CYP3A43: variants seen among roughly 807,000 people sequenced by gnomAD.
The protein encoded by CYP3A43 is cytochrome P450 family 3 subfamily A member 43, also known as cytochrome P450 3A43.
A neutral mutation model predicts 58.0 loss-of-function variants in CYP3A43; 45 were observed. The ratio of observed to expected loss-of-function variants is 0.78; its 90% CI spans 0.61 to 0.99. The LOEUF is 0.99. CYP3A43 is among the 50% of genes least tolerant of loss of function. CYP3A43 has a pLI of 0.00. For synonymous variants in CYP3A43, 191 were observed against 201.4 expected, an observed-to-expected ratio of 0.95 and a Z score of 0.44; for missense variants, 593 against 591.9, an observed-to-expected ratio of 1.00 and a Z score of -0.02.
At chr7:99,842,626 AAATT>A (rs1334002113) in intron 3 of CYP3A43, among the ~76,000 whole-genome samples, 1 of 152,224 alleles carries the variant, frequency 6.6e-6, no homozygotes, top group African/African-American at 2.4e-5. Flanking sequence ...TATCTTGACT[AAATT>A]AAGAGCAAAA....
intron 7 of CYP3A43, chr7:99,850,073 C>G: frequency 2.3e-6 from 1 of 435,098 alleles, no homozygotes; most frequent in Non-Finnish European, 4.5e-6. Flanking sequence ...TCTCCTGCCT[C>G]AGCCTCCTGA....
At chr7:99,835,262 G>C (rs1817024562) in intron 1 of CYP3A43, among the ~76,000 whole-genome samples, 1 of 152,202 alleles carries the variant, frequency 6.6e-6, no homozygotes, top group Non-Finnish European at 1.5e-5. Context: ...CTACTTAGCA[G>C]AACAGTCTTC....
intron 2 of CYP3A43, chr7:99,838,778 G>C (rs539238446): frequency 3.3e-5 from 25 of 751,488 alleles, no homozygotes; most frequent in South Asian, 9.6e-5. Flanking sequence ...TCAGGAGTTC[G>C]AGACCAGCTT....
intron 3 of CYP3A43, among the ~76,000 whole-genome samples, chr7:99,842,178 C>T (rs907189760): frequency 2.6e-5 from 4 of 152,150 alleles, no homozygotes; most frequent in African/African-American, 9.7e-5. Context: ...GCCAAACTAA[C>T]TCTGCAAAGG....
intron 9 of CYP3A43, among the ~76,000 whole-genome samples, chr7:99,858,946 G>C (rs113068317): frequency 0.064 from 9,689 of 151,890 alleles, 972 homozygotes; most frequent in African/African-American, 0.21. Flanking sequence ...ATCCTCCTGT[G>C]TCAGCCTCCC....
intron 4 of CYP3A43, among the ~76,000 whole-genome samples, chr7:99,846,610 G>C (rs1817550417): frequency 6.6e-6 from 1 of 152,106 alleles, no homozygotes; most frequent in Admixed American, 6.5e-5. Flanking sequence ...CATCCAATAT[G>C]ATGTTGAATA....
intron 4 of CYP3A43, among the ~76,000 whole-genome samples, chr7:99,846,900 C>T (rs1176380163): frequency 6.6e-6 from 1 of 152,122 alleles, no homozygotes; most frequent in African/African-American, 2.4e-5. Context: ...AAATAGCATT[C>T]TTTTCTTTAT....
intron 4 of CYP3A43, among the ~76,000 whole-genome samples, chr7:99,847,151 T>C (rs1817568982): frequency 6.6e-6 from 1 of 152,176 alleles, no homozygotes; most frequent in Admixed American, 6.5e-5. Context: ...CTTTCTGCTT[T>C]GCACAACCCT....
chr7:99,839,296 A>T (rs921566541), intron 3 of CYP3A43, 124 bp downstream of exon 3: 12 of 1,149,210 alleles, frequency 1.0e-5, no homozygotes, highest in Non-Finnish European at 1.6e-5. Context: ...AGTAACAAAC[A>T]GAGAGAGGCT....
At chr7:99,856,928 T>C in intron 9 of CYP3A43, 29 bp downstream of exon 9, 1 of 1,599,962 alleles carries the variant, frequency 6.3e-7, no homozygotes, top group Non-Finnish European at 8.5e-7. Context: ...TGGGGGCTAC[T>C]GATGGGGACA....
At chr7:99,855,966 A>C (rs1164093658) in intron 8 of CYP3A43, among the ~76,000 whole-genome samples, 1 of 152,250 alleles carries the variant, frequency 6.6e-6, no homozygotes, top group Non-Finnish European at 1.5e-5. Flanking sequence ...TAATGTAGAG[A>C]TAGAAGCTTT....
chr7:99,865,921 G>T lies in CYP3A43; in HGVS notation c.1432G>T (p.Asp478Tyr). The change falls in exon 13 of 13, where the codon GAC becomes TAC. Residue 478 changes from aspartate (D) to tyrosine (Y), a missense_variant. Asp to Tyr is a radical substitution (Grantham distance 160). Transcript: ENST00000354829. ...ACTTTTGCAGATCCCACTGAAATTA[G>T]ACAATCTACCAATTCTTCAACCAGA... Reference protein sequence around the residue: ...CKETQIPLKLDNLPILQPEKP... With the variant: ...CKETQIPLKLYNLPILQPEKP... 6.2e-7 allele frequency: 1 copy of T among 1,604,394 alleles called. No individual in the cohort carries two copies. The highest frequency in any genetic ancestry group is 8.5e-7 in the Non-Finnish European group (1 of 1,176,212).
intron 4 of CYP3A43, among the ~76,000 whole-genome samples, chr7:99,847,208 G>A (rs1276222738): frequency 6.6e-6 from 1 of 152,002 alleles, no homozygotes; most frequent in African/African-American, 2.4e-5. Flanking sequence ...TGGAAGAACT[G>A]GTTCTCTTCC....
At chr7:99,861,572 T>C in intron 10 of CYP3A43, 41 bp from the exon 11 acceptor site, 1 of 1,574,146 alleles carries the variant, frequency 6.4e-7, no homozygotes, top group Non-Finnish European at 8.7e-7. Context: ...GAAAGTTAAT[T>C]CCCAATCTCA....
Position 99,839,101 on chromosome 7 carries a change from A to G in CYP3A43, c.166-19A>G. 2.5e-6 allele frequency: 4 copies of G among 1,614,066 alleles called. No individual in the cohort carries two copies. Among genetic ancestry groups the G allele is most frequent in the Non-Finnish European group, 3.4e-6 (4 of 1,179,942 alleles). On this transcript the variant is annotated intron_variant, in intron 2 of 12. Coordinates refer to ENST00000354829, the MANE Select transcript of CYP3A43 (RefSeq NM_057095.3). ...ACATTCGAAATAATACTTGAATTGTATTTTGTTTCTTCTGCCAGGGTCTTT... is the reference window on the plus strand; with the variant it reads ...ACATTCGAAATAATACTTGAATTGTGTTTTGTTTCTTCTGCCAGGGTCTTT...
At chr7:99,855,487 A>G in intron 7 of CYP3A43, 104 bp from the exon 8 acceptor site, 1 of 1,370,776 alleles carries the variant, frequency 7.3e-7, no homozygotes, top group Non-Finnish European at 9.7e-7. Context: ...ATCCTGGTTG[A>G]GAACCCTGAA....
chr7:99,850,641 A>G (rs1817724444), intron 7 of CYP3A43, among the ~76,000 whole-genome samples: 1 of 152,118 alleles, frequency 6.6e-6, no homozygotes, highest in South Asian at 2.1e-4. Context: ...TACAGGAGTG[A>G]GCAACTGCAC....
intron 4 of CYP3A43, among the ~76,000 whole-genome samples, chr7:99,845,086 T>G (rs957251661): frequency 2.0e-4 from 30 of 150,342 alleles, no homozygotes; most frequent in African/African-American, 6.9e-4. Context: ...AAAAAAAAAG[T>G]TATATGGTTC....
chr7:99,845,272 G>T (rs1817501664), intron 4 of CYP3A43, among the ~76,000 whole-genome samples: 1 of 151,786 alleles, frequency 6.6e-6, no homozygotes, highest in Non-Finnish European at 1.5e-5. Context: ...TTTCACAATT[G>T]TCAAAAATCA....
Sources: gnomAD v4.1 joint callset for allele counts (sites outside exome capture counted in the v4.1 genomes callset) on GRCh38, gnomAD v4.1.1 for gene constraint, MANE v1.5 for transcripts, NCBI Gene and HGNC (gene_info 2026-07-23, HGNC 2026-07-21) for gene names.